SLC23A2: variants seen among roughly 807,000 people sequenced by gnomAD.
SLC23A2 encodes the protein solute carrier family 23 member 2.
Under a neutral mutation model 73.3 loss-of-function variants are expected in SLC23A2, and 36 were observed. That is an observed-to-expected ratio of 0.49 (90% confidence interval 0.38 to 0.65). SLC23A2 has a LOEUF of 0.65. Among genes scored for constraint, SLC23A2 ranks in the 30% least tolerant of loss-of-function variants. The pLI is 0.00. For synonymous variants in SLC23A2, 343 were observed against 327.3 expected (o/e 1.05, Z -0.52); for missense variants, 507 against 841.6 (o/e 0.60, Z 4.92).
chr20:4,980,834 A>G (rs2087716029), intron 1 of SLC23A2, among the ~76,000 whole-genome samples: 2 of 152,094 alleles, frequency 1.3e-5, no homozygotes, highest in Non-Finnish European at 2.9e-5. Context: ...GCCCAGCCAC[A>G]GTTTACTTTC....
In SLC23A2 at chr20:4,862,736, A is replaced by T; in HGVS notation, c.1486+42T>A. 1 of 1,582,402 alleles carries T rather than the reference A, an allele frequency of 6.3e-7. No individual in the cohort carries two copies. Among genetic ancestry groups the T allele is most frequent in the Non-Finnish European group, 8.6e-7 (1 of 1,157,744 alleles). ...AAAAACACCATGACCCCTATTAAAA[A>T]TTTGGAAAAGTAAAGGAAAAAGCCA... On this transcript the variant is annotated intron_variant, in intron 14 of 16. Coordinates refer to ENST00000338244, the MANE Select transcript of SLC23A2 (RefSeq NM_005116.6). This position sits in a 1 kb window ranked among gnomAD's most constrained non-coding sequence, Gnocchi z 5.1.
chr20:4,980,396 C>A (rs1460913881), intron 1 of SLC23A2, among the ~76,000 whole-genome samples: 1 of 151,902 alleles, frequency 6.6e-6, no homozygotes, highest in African/African-American at 2.4e-5. Flanking sequence ...AAATGAGCTA[C>A]AAATAAAGGA....
intron 2 of SLC23A2, among the ~76,000 whole-genome samples, chr20:4,949,766 C>T (rs189094491): frequency 1.4e-3 from 215 of 152,280 alleles, no homozygotes; most frequent in African/African-American, 5.1e-3. Context: ...CCCAAATGCA[C>T]ACAGACACAA....
chr20:4,877,340 T>C (rs1930700984), intron 9 of SLC23A2, among the ~76,000 whole-genome samples: 1 of 152,162 alleles, frequency 6.6e-6, no homozygotes, highest in African/African-American at 2.4e-5. Flanking sequence ...GCTACATGCA[T>C]GAGCATCAGC....
intron 8 of SLC23A2, among the ~76,000 whole-genome samples, chr20:4,884,077 T>A (rs1931000965): frequency 6.6e-6 from 1 of 152,208 alleles, no homozygotes; most frequent in Non-Finnish European, 1.5e-5. Flanking sequence ...TTTTTCACTG[T>A]TAAACGATGC....
rs114195295 is a variant in SLC23A2, at chr20:4,984,179, T to G, written c.-281-13260A>C. 0.012 allele frequency among the ~76,000 whole-genome samples: 1,872 copies of G among 151,882 alleles called. 55 individuals carry two copies. The South Asian group carries it at 0.14, about 11-fold the overall frequency. On this transcript the variant is annotated intron_variant, in intron 1 of 16. Coordinates refer to ENST00000338244, the MANE Select transcript of SLC23A2 (RefSeq NM_005116.6). ...GCTACTCAGGAGCCTGAGGCAGGAGTATCTCTTGGAATCTGAGGCTGCAGT... is the reference window on the plus strand; with the variant it reads ...GCTACTCAGGAGCCTGAGGCAGGAGGATCTCTTGGAATCTGAGGCTGCAGT...
At position 4,921,731 on chromosome 20, in the gene SLC23A2, T is replaced by C. The variant is rs558755311; in HGVS notation, c.109-8753A>G. ...TTATTTGTTTTCCTCATTTTACCAT[T>C]CTGCATTTTCTGCAGTGAACTTATT... On this transcript the variant is annotated intron_variant, in intron 3 of 16. Coordinates refer to ENST00000338244, the MANE Select transcript of SLC23A2 (RefSeq NM_005116.6). Among the ~76,000 whole-genome samples, 17 of 152,338 alleles carry C rather than the reference T, an allele frequency of 1.1e-4. No individual in the cohort carries two copies. The East Asian group carries it at 1.7e-3, about 16-fold the overall frequency.
rs142683371 is a variant in SLC23A2, at chr20:4,966,420, G to A, written c.-155+4373C>T. On this transcript the variant is annotated intron_variant, in intron 2 of 16. Transcript: ENST00000338244. ...GTTTAAACTGTGCTATCCAATGCGG[G>A]AGCCACCAGCCCCAGGTGGCTACTG... Among the ~76,000 whole-genome samples the A allele has an allele frequency of 4.0e-3, 609 of 152,204 alleles. 4 individuals are homozygous for A. The highest frequency in any genetic ancestry group is 5.3e-3 in the Non-Finnish European group (363 of 68,014).
intron 10 of SLC23A2, 30 bp downstream of exon 10, chr20:4,874,546 T>C (rs1462022214): frequency 5.1e-6 from 8 of 1,570,658 alleles, no homozygotes; most frequent in Non-Finnish European, 6.9e-6. Flanking sequence ...AGGGCAAAAA[T>C]GTCAGCAGGG....
chr20:4,960,226 C>A (rs774736449), intron 2 of SLC23A2, among the ~76,000 whole-genome samples: 2 of 152,230 alleles, frequency 1.3e-5, no homozygotes, highest in Non-Finnish European at 2.9e-5. Flanking sequence ...TCACATTCAT[C>A]AGATAAGGCT....
At chr20:4,874,391 T>A (rs1005031493) in intron 10 of SLC23A2, among the ~76,000 whole-genome samples, 185 bp downstream of exon 10, 17 of 152,214 alleles carry the variant, frequency 1.1e-4, no homozygotes, top group African/African-American at 4.1e-4. Flanking sequence ...GCTAAAAGGA[T>A]GTGCTCCCAT....
At chr20:4,880,603 A>G (rs1930843733) in intron 9 of SLC23A2, among the ~76,000 whole-genome samples, 1 of 152,170 alleles carries the variant, frequency 6.6e-6, no homozygotes. Flanking sequence ...GAGAAAAAAG[A>G]CAAAGAGATA....
In SLC23A2 at chr20:4,931,068, GAAAAAAAA is replaced by G. The variant is rs758041566; in HGVS notation, c.108+1379_108+1386del. On this transcript the variant is annotated intron_variant, in intron 3 of 16. Coordinates refer to ENST00000338244, the MANE Select transcript of SLC23A2 (RefSeq NM_005116.6). The stretch of plus-strand genomic sequence containing the variant: ...CTTAAAATAACTGTTATTTTTTTAA[GAAAAAAAA>G]AAAAAAAAAAAAAAAAGAATCCTCC... Among the ~76,000 whole-genome samples, 219 of 75,066 alleles carry G rather than the reference GAAAAAAAA, an allele frequency of 2.9e-3. 2 individuals are homozygous for G. The highest frequency in any genetic ancestry group is 7.2e-3 in the African/African-American group (152 of 21,098). 49.2% of individuals were successfully genotyped at this position (75,066 alleles called of 152,430 possible).
chr20:4,967,230 AAT>A (rs2087488715), intron 2 of SLC23A2, among the ~76,000 whole-genome samples: 1 of 152,244 alleles, frequency 6.6e-6, no homozygotes, highest in African/African-American at 2.4e-5. Flanking sequence ...AAAACAAAAT[AAT>A]ATGTGTATTT....
chr20:4,923,601 T>C lies in SLC23A2; in HGVS notation c.108+8854A>G, dbSNP rs771073947. ...CATCCTCAGGCCCTTCTTGGAATCA[T>C]AGTCAATTCCAAAATCTATTATTCT... On this transcript the variant is annotated intron_variant, in intron 3 of 16. Coordinates refer to ENST00000338244, the MANE Select transcript of SLC23A2 (RefSeq NM_005116.6). Among the ~76,000 whole-genome samples the C allele has an allele frequency of 5.6e-4, 85 of 152,318 alleles. 1 individual carries two copies. The highest frequency in any genetic ancestry group is 1.8e-3 in the African/African-American group (76 of 41,578).
intron 13 of SLC23A2, among the ~76,000 whole-genome samples, 184 bp downstream of exon 13, chr20:4,867,586 C>A (rs1047896839): frequency 3.1e-5 from 4 of 130,702 alleles, no homozygotes; most frequent in Middle Eastern, 4.7e-3. Context: ...CCCGGACCAG[C>A]AAGAGAAGAG....
intron 6 of SLC23A2, 110 bp from the exon 7 acceptor site, chr20:4,886,019 T>C (rs1931081830): frequency 1.6e-6 from 1 of 640,836 alleles, no homozygotes; most frequent in South Asian, 1.9e-5. Context: ...CATGAGTAAA[T>C]GCAGGCACAC....
chr20:4,857,313 CA>C lies in SLC23A2; in HGVS notation c.1721-110del. The C allele has an allele frequency of 1.7e-6, 1 of 598,892 alleles. No homozygotes were observed. The highest frequency in any genetic ancestry group is 2.1e-5 in the South Asian group (1 of 47,342). 37.1% of individuals were successfully genotyped at this position (598,892 alleles called of 1,614,324 possible). A position where few individuals can be genotyped will look rare whatever the true frequency, so the allele number is the denominator to read the frequency against. On this transcript the variant is annotated intron_variant, in intron 16 of 16. Coordinates refer to ENST00000338244, the MANE Select transcript of SLC23A2 (RefSeq NM_005116.6). This position sits in a 1 kb window ranked among gnomAD's most constrained non-coding sequence, Gnocchi z 4.0. ...ACACACACACACACACACACACACA[CA>C]CACACACACACACACACACACATGG...
chr20:4,960,957 A>T (rs982827518), intron 2 of SLC23A2, among the ~76,000 whole-genome samples: 1 of 152,186 alleles, frequency 6.6e-6, no homozygotes, highest in Non-Finnish European at 1.5e-5. Flanking sequence ...CTTTAAAAGG[A>T]TATACAGTCT....
Sources: gnomAD v4.1 joint callset for allele counts (sites outside exome capture counted in the v4.1 genomes callset) on GRCh38, gnomAD v4.1.1 for gene constraint, Gnocchi (gnomAD v3.1) non-coding constraint, MANE v1.5 for transcripts, NCBI Gene and HGNC (gene_info 2026-07-23, HGNC 2026-07-21) for gene names.